PPAN: variants seen among roughly 807,000 people sequenced by gnomAD.
PPAN encodes the protein suppressor of SWI4 1 homolog.
A neutral mutation model predicts 48.5 loss-of-function variants in PPAN; 39 were observed. That is an observed-to-expected ratio of 0.80 (90% CI 0.62 to 1.05). PPAN has a LOEUF of 1.05. PPAN is among the 50% of genes least tolerant of loss of function. The pLI is 0.00. For synonymous variants in PPAN, 315 were observed against 268.6 expected (o/e 1.17, Z -1.69); for missense variants, 736 against 661.7 (o/e 1.11, Z -1.23).
In PPAN at chr19:10,108,214, A is replaced by C. The variant is rs1445029677; in HGVS notation, c.513+80A>C. 7 of 1,523,226 alleles carry C rather than the reference A, an allele frequency of 4.6e-6. No individual in the cohort carries two copies. In the Admixed American group the frequency reaches 8.4e-5, roughly 18 times the overall value. The allele number at this position is 1,523,226 out of a possible 1,614,324, so 94.4% of individuals were successfully genotyped here. On this transcript the variant is annotated intron_variant, in intron 5 of 11. Coordinates refer to ENST00000253107, the MANE Select transcript of PPAN (RefSeq NM_020230.7). ...CCACAGGCCCTCAGATGGATTGCTC[A>C]CTCCTCCCAGCGCTGAGACTGGGAG...
At position 10,111,948 on chromosome 19, in the gene PPAN, AAAAAT is replaced by A. The variant is rs919832844; in HGVS notation, c.*788_*792del. Among the ~76,000 whole-genome samples the A allele has an allele frequency of 6.6e-5, 10 of 152,274 alleles. No individual in the cohort carries two copies. Among genetic ancestry groups the A allele is most frequent in the South Asian group, 2.1e-4 (1 of 4,828 alleles). Reference sequence around the variant, plus strand: ...AACAAGGAGAAACCCCGTCTCTACTAAAAATAAAAAAATTAGCTGGGCCTGGTGGC... The same window carrying A: ...AACAAGGAGAAACCCCGTCTCTACTAAAAAAAATTAGCTGGGCCTGGTGGC... On this transcript the variant is annotated 3_prime_UTR_variant, in exon 12 of 12. Coordinates refer to ENST00000253107, the MANE Select transcript of PPAN (RefSeq NM_020230.7).
rs757676606 is a variant in PPAN at position 10,109,633 on chromosome 19, G to A, written c.516G>A (p.Val172=). ...ATGCTCTCTTCCTCCCCTTCCAGGTGAACCTGAACACCATCAAGCGCTGCC... is the reference window on the plus strand; with the variant it reads ...ATGCTCTCTTCCTCCCCTTCCAGGTAAACCTGAACACCATCAAGCGCTGCC... ...NLFPSINVHK[V]NLNTIKRCLL... The change falls in exon 6 of 12, where the codon GTG becomes GTA. Residue 172 remains valine (V), a splice_region_variant and synonymous_variant. Transcript: ENST00000253107. The A allele has an allele frequency of 5.0e-6, 8 of 1,612,880 alleles. No individual in the cohort carries two copies. Among genetic ancestry groups the A allele is most frequent in the African/African-American group, 1.3e-5 (1 of 74,952 alleles).
In PPAN at chr19:10,109,710, G is replaced by A. The variant is rs779806638; in HGVS notation, c.590+3G>A. On this transcript the variant is annotated splice_donor_region_variant and intron_variant, in intron 6 of 11. Transcript: ENST00000253107. ...CAGGAGCTGGACTTCCGCCACTAGT[G>A]AGTGTCCCAGCAGGATGGGAGACGA... The A allele has an allele frequency of 6.2e-7, 1 of 1,613,412 alleles. No homozygotes were observed. The highest frequency in any genetic ancestry group is 8.5e-7 in the Non-Finnish European group (1 of 1,179,724).
In PPAN at chr19:10,106,414, T is replaced by C; in HGVS notation, c.18+2T>C. On this transcript the variant is annotated splice_donor_variant, in intron 1 of 11. Transcript: ENST00000253107. LOFTEE classifies it high-confidence loss of function. The stretch of plus-strand genomic sequence containing the variant: ...AGCAGCATGGGACAGTCAGGGAGGG[T>C]AAGGCCCGGCAGCTTGGGAGGCAGG... 6.5e-7 allele frequency: 1 copy of C among 1,548,488 alleles called. No individual in the cohort carries two copies. Among genetic ancestry groups the C allele is most frequent in the Non-Finnish European group, 8.7e-7 (1 of 1,145,176 alleles).
rs1481773616 is a variant in PPAN, at chr19:10,110,325, T to C, written c.824T>C (p.Ile275Thr). The C allele has an allele frequency of 4.3e-6, 7 of 1,613,396 alleles. No individual in the cohort carries two copies. Among genetic ancestry groups the C allele is most frequent in the Non-Finnish European group, 3.4e-6 (4 of 1,179,936 alleles). The change falls in exon 9 of 12, where the codon ATC (isoleucine) becomes ACC (threonine). Residue 275 changes from isoleucine (I) to threonine (T), a missense_variant and splice_region_variant. Ile to Thr is a moderately conservative substitution (Grantham distance 89). Coordinates refer to ENST00000253107, the MANE Select transcript of PPAN (RefSeq NM_020230.7). The surrounding 1 kb of genome is among the most constrained non-coding windows in gnomAD (Gnocchi z 5.9). ...GACGCTTCTTCCTCGTCCCCTCAGATCGGCCCGCGGATGACACTGCAGCTC... is the reference window on the plus strand; with the variant it reads ...GACGCTTCTTCCTCGTCCCCTCAGACCGGCCCGCGGATGACACTGCAGCTC... The part of the protein sequence containing the change: ...AQQSAVRLTE[I>T]GPRMTLQLIK...
upstream of PPAN, chr19:10,106,224 TGTCTCCATA>T (rs2088816411): frequency 2.5e-6 from 3 of 1,207,542 alleles, no homozygotes; most frequent in South Asian, 4.7e-5. Flanking sequence ...CAGGCACCCG[TGTCTCCATA>T]GCAACCGCTC....
rs771563292 is a variant in PPAN at position 10,111,710 on chromosome 19, C to T, written c.*545C>T. 2.2e-5 allele frequency: 35 copies of T among 1,613,446 alleles called. No homozygotes were observed. The highest frequency in any genetic ancestry group is 2.2e-4 in the Admixed American group (13 of 59,966). On this transcript the variant is annotated 3_prime_UTR_variant, in exon 12 of 12. Transcript: ENST00000253107. ...TGGGTAGCAGACACAGGCTGAGGAT[C>T]GGCACGGGAGCATGGCAGCCAACGT...
Position 10,110,438 on chromosome 19 carries a change from G to A in PPAN, c.901+36G>A, listed in dbSNP as rs765996535. ...GGCCGCCGGGGGTGGGGGGTCATGG[G>A]TGTGGAGCTGCACCCGGATCTTGGT... is the stretch of plus-strand genomic sequence containing the variant. On this transcript the variant is annotated intron_variant, in intron 9 of 11. Transcript: ENST00000253107. The surrounding 1 kb of genome is among the most constrained non-coding windows in gnomAD (Gnocchi z 5.9). 1.2e-6 allele frequency: 2 copies of A among 1,612,970 alleles called. No homozygotes were observed. Among genetic ancestry groups the A allele is most frequent in the Non-Finnish European group, 1.7e-6 (2 of 1,179,940 alleles).
At chr19:10,107,458 A>C (rs2088868612) in intron 2 of PPAN, 47 bp from the exon 3 acceptor site, 1 of 1,596,312 alleles carries the variant, frequency 6.3e-7, no homozygotes, top group South Asian at 1.1e-5. Flanking sequence ...TAGTTGTCAC[A>C]ACAAGGGATA....
In PPAN at chr19:10,107,509, G is replaced by A. The variant is rs773073492; in HGVS notation, c.194G>A (p.Arg65His). 29 of 1,613,596 alleles carry A rather than the reference G, an allele frequency of 1.8e-5. No homozygotes were observed. The highest frequency in any genetic ancestry group is 2.7e-5 in the African/African-American group (2 of 74,898). The part of the protein sequence containing the change: ...EPLTASRLQV[R>H]KKNSLKDCVA... ...TTTTCTTTTTGTCATTTCCAGGTTC[G>A]TAAGAAGAACTCGCTGAAGGACTGC... The change falls in exon 3 of 12, where the codon CGT becomes CAT. Residue 65 changes from arginine (R) to histidine (H), a missense_variant. Coordinates refer to ENST00000253107, the MANE Select transcript of PPAN (RefSeq NM_020230.7).
Position 10,106,407 on chromosome 19 carries a change from G to A in PPAN, c.13G>A (p.Gly5Arg), listed in dbSNP as rs770172587. 4 of 1,549,242 alleles carry A rather than the reference G, an allele frequency of 2.6e-6. No individual in the cohort carries two copies. The highest frequency in any genetic ancestry group is 1.4e-5 in the African/African-American group (1 of 72,988). Residue 5 changes from glycine (G) to arginine (R), a missense_variant, in exon 1 of 12, where the codon GGG (glycine) becomes AGG (arginine). Coordinates refer to ENST00000253107, the MANE Select transcript of PPAN (RefSeq NM_020230.7). Reference protein sequence around the residue: MGQSGRSRHQKRARA... With the variant: MGQSRRSRHQKRARA... ...AGGACACAGCAGCATGGGACAGTCA[G>A]GGAGGGTAAGGCCCGGCAGCTTGGG...
Position 10,111,304 on chromosome 19 carries a change from ACGTCAGCGTTTGGGATG to A in PPAN, c.*140_*156del, listed in dbSNP as rs1206568796. On this transcript the variant is annotated 3_prime_UTR_variant, in exon 12 of 12. Transcript: ENST00000253107. ...AAAGAACTGAATTGGCCAGGGGTCCACGTCAGCGTTTGGGATGGGGGATTCTGGAGCCATACAAAGCA... is the reference window on the plus strand; with the variant it reads ...AAAGAACTGAATTGGCCAGGGGTCCAGGGGATTCTGGAGCCATACAAAGCA... 3.7e-4 allele frequency: 402 copies of A among 1,076,282 alleles called. No individual in the cohort carries two copies. Among genetic ancestry groups the A allele is most frequent in the Non-Finnish European group, 4.9e-4 (378 of 773,206 alleles). 66.7% of individuals were successfully genotyped at this position (1,076,282 alleles called of 1,614,324 possible).
chr19:10,107,703 C>G (rs948187135), intron 3 of PPAN, 97 bp downstream of exon 3: 3 of 1,607,364 alleles, frequency 1.9e-6, no homozygotes, highest in South Asian at 2.2e-5. Context: ...TGATTTCTGG[C>G]TTCAAAGTAA....
At position 10,111,939 on chromosome 19, in the gene PPAN, G is replaced by A. The variant is rs376490987; in HGVS notation, c.*774G>A. ...ACCCTGACCAACAAGGAGAAACCCC[G>A]TCTCTACTAAAAATAAAAAAATTAG... On this transcript the variant is annotated 3_prime_UTR_variant, in exon 12 of 12. Transcript: ENST00000253107. Among the ~76,000 whole-genome samples, 2 of 152,026 alleles carry A rather than the reference G, an allele frequency of 1.3e-5. No homozygotes were observed. The highest frequency in any genetic ancestry group is 6.6e-5 in the Admixed American group (1 of 15,264).
Position 10,109,719 on chromosome 19 carries a change from A to T in PPAN, c.590+12A>T. The T allele has an allele frequency of 6.2e-7, 1 of 1,612,900 alleles. No homozygotes were observed. The highest frequency in any genetic ancestry group is 8.5e-7 in the Non-Finnish European group (1 of 1,179,376). On this transcript the variant is annotated intron_variant, in intron 6 of 11. Coordinates refer to ENST00000253107, the MANE Select transcript of PPAN (RefSeq NM_020230.7). ...GACTTCCGCCACTAGTGAGTGTCCC[A>T]GCAGGATGGGAGACGAGGGGGTGCC...
chr19:10,108,578 A>C (rs886460361), intron 5 of PPAN, among the ~76,000 whole-genome samples: 2 of 151,942 alleles, frequency 1.3e-5, no homozygotes, highest in African/African-American at 4.8e-5. Flanking sequence ...GCGAGACCCC[A>C]TGTCTACAAA....
At position 10,110,473 on chromosome 19, in the gene PPAN, C is replaced by T. The variant is rs1568485933; in HGVS notation, c.902-12C>T. On this transcript the variant is annotated splice_polypyrimidine_tract_variant and intron_variant, in intron 9 of 11. Coordinates refer to ENST00000253107, the MANE Select transcript of PPAN (RefSeq NM_020230.7). The surrounding 1 kb of genome is among the most constrained non-coding windows in gnomAD (Gnocchi z 5.9). The stretch of plus-strand genomic sequence containing the variant: ...GCACCCGGATCTTGGTGACCCGCGT[C>T]TCTTGGCTCAGTGAGCAAGACGGAG... 9 of 1,612,608 alleles carry T rather than the reference C, an allele frequency of 5.6e-6. No individual in the cohort carries two copies. Among genetic ancestry groups the T allele is most frequent in the African/African-American group, 5.3e-5 (4 of 75,002 alleles).
Position 10,110,826 on chromosome 19 carries a change from C to T in PPAN, c.1161C>T (p.Ile387=), listed in dbSNP as rs762009376. 19 of 1,613,892 alleles carry T rather than the reference C, an allele frequency of 1.2e-5. 2 individuals are homozygous for T. The South Asian group carries it at 1.2e-4, about 10-fold the overall frequency. Residue 387 remains isoleucine (I), a synonymous_variant, in exon 11 of 12, where the codon ATC becomes ATT. Coordinates refer to ENST00000253107, the MANE Select transcript of PPAN (RefSeq NM_020230.7). This position sits in a 1 kb window ranked among gnomAD's most constrained non-coding sequence, Gnocchi z 5.9. ...EDDDEQEDDD[I]EYFCQAVGEA... ...ATGATGAACAGGAAGATGATGACAT[C>T]GAGTATTTCTGCCAGGCGGTGGGCG...
intron 6 of PPAN, 28 bp downstream of exon 6, chr19:10,109,735 A>C: frequency 2.5e-6 from 4 of 1,609,534 alleles, no homozygotes; most frequent in Non-Finnish European, 2.5e-6. Flanking sequence ...ATGGGAGACG[A>C]GGGGGTGCCG....
Sources: gnomAD v4.1 joint callset for allele counts (sites outside exome capture counted in the v4.1 genomes callset) on GRCh38, gnomAD v4.1.1 for gene constraint, Gnocchi (gnomAD v3.1) non-coding constraint, MANE v1.5 for transcripts, NCBI Gene and HGNC (gene_info 2026-07-23, HGNC 2026-07-21) for gene names.